Variants in ZNF236 observed in about 807,000 individuals in gnomAD.
ZNF236 encodes the protein regulated by glucose.
ZNF236 carries 50 observed loss-of-function variants against 191.2 expected under a neutral mutation model. The ratio of observed to expected loss-of-function variants is 0.26; its 90% CI spans 0.21 to 0.33. The LOEUF (loss-of-function observed/expected upper bound fraction) is 0.33. Ranked by LOEUF, ZNF236 falls within the 10% of genes least tolerant of loss-of-function variation. ZNF236 has a pLI of 1.00. For missense variants in ZNF236, 1,754 were observed against 2,374.5 expected, an observed-to-expected ratio of 0.74 and a Z score of 5.43; for synonymous variants, 907 against 928.8, an observed-to-expected ratio of 0.98 and a Z score of 0.43.
At chr18:76,908,262 C>T (rs1967112000) in intron 13 of ZNF236, 58 bp from the exon 14 acceptor site, 1 of 1,551,778 alleles carries the variant, frequency 6.4e-7, no homozygotes, top group African/African-American at 1.5e-5. Context: ...TGTAGTATCC[C>T]AGGCAAGTAA....
At chr18:76,937,424 A>G (rs1012835413) in intron 26 of ZNF236, 81 bp downstream of exon 26, 12 of 1,281,424 alleles carry the variant, frequency 9.4e-6, no homozygotes, top group Non-Finnish European at 1.2e-5. Flanking sequence ...TCCTTCCTAA[A>G]TAAATAGTCT....
In ZNF236 at chr18:76,956,077, A is replaced by G. The variant is rs181526564; in HGVS notation, c.5007A>G (p.Ser1669=). The G allele has an allele frequency of 2.2e-3, 3,581 of 1,600,834 alleles. 74 individuals carry two copies. In the Admixed American group the frequency reaches 0.04, roughly 18 times the overall value. Residue 1669 remains serine, a synonymous_variant, in exon 28 of 31, where the codon TCA becomes TCG. Transcript: ENST00000320610. ...HQCLECDRAF[S]SAAVLMHHSK... ...GCCTGGAGTGTGACCGCGCCTTCTC[A>G]TCGGCGGCGGTGCTCATGCACCACA...
At chr18:76,937,135 C>T (rs1027548909) in intron 25 of ZNF236, 21 bp from the exon 26 acceptor site, 1 of 1,607,836 alleles carries the variant, frequency 6.2e-7, no homozygotes, top group Non-Finnish European at 8.5e-7. Flanking sequence ...CATTGATCTA[C>T]TTACTTTGCC....
At chr18:76,956,872 C>T (rs1040306399) in intron 28 of ZNF236, among the ~76,000 whole-genome samples, 33 of 152,302 alleles carry the variant, frequency 2.2e-4, no homozygotes, top group African/African-American at 6.3e-4. Flanking sequence ...GCGTGCAGCA[C>T]GGATGCCTAG....
intron 18 of ZNF236, among the ~76,000 whole-genome samples, chr18:76,915,216 A>G (rs1399722134): frequency 6.6e-6 from 1 of 152,230 alleles, no homozygotes; most frequent in African/African-American, 2.4e-5. Flanking sequence ...TTTATAGACT[A>G]GTTCTTAATG....
intron 27 of ZNF236, among the ~76,000 whole-genome samples, chr18:76,955,520 A>G (rs1467409906): frequency 2.0e-5 from 3 of 152,210 alleles, no homozygotes; most frequent in African/African-American, 7.2e-5. Context: ...GGTTTGGAAA[A>G]AATGGTTTAA....
At chr18:76,871,218 A>G (rs957639494) in intron 4 of ZNF236, among the ~76,000 whole-genome samples, 11 of 152,276 alleles carry the variant, frequency 7.2e-5, no homozygotes, top group East Asian at 1.9e-4. Context: ...TCTGTTTTGG[A>G]CACCACCCAT....
At chr18:76,850,211 A>C (rs1165253799) in intron 2 of ZNF236, among the ~76,000 whole-genome samples, 1 of 152,174 alleles carries the variant, frequency 6.6e-6, no homozygotes, top group Non-Finnish European at 1.5e-5. Flanking sequence ...GACAGTTAAA[A>C]CTATAATTAA....
rs558610878 is a variant in ZNF236, at chr18:76,970,745, G to A, written c.*2406G>A. The A allele has an allele frequency of 2.1e-4, 32 of 152,258 alleles. No homozygotes were observed. The highest frequency in any genetic ancestry group is 5.5e-4 in the African/African-American group (23 of 41,562). The allele number at this position is 152,258 out of a possible 1,614,324, so 9.4% of individuals were successfully genotyped here. ...TTAGGAAATGTGATTAATTTTTTTC[G>A]TTTGAAAATATTTAAGATAAAACAG... On this transcript the variant is annotated 3_prime_UTR_variant, in exon 31 of 31. Transcript: ENST00000320610.
At chr18:76,913,644 G>C in intron 17 of ZNF236, 103 bp from the exon 18 acceptor site, 2 of 1,241,336 alleles carry the variant, frequency 1.6e-6, no homozygotes, top group East Asian at 4.8e-5. Context: ...AATGTTTCAT[G>C]GTTGTTGGTG....
intron 27 of ZNF236, 132 bp from the exon 28 acceptor site, chr18:76,955,853 A>G: frequency 1.0e-6 from 1 of 975,624 alleles, no homozygotes; most frequent in Non-Finnish European, 1.6e-6. Flanking sequence ...TATCCTGATG[A>G]TAGGACATGC....
At chr18:76,857,304 G>C (rs922172426) in intron 3 of ZNF236, among the ~76,000 whole-genome samples, 9 of 147,750 alleles carry the variant, frequency 6.1e-5, no homozygotes, top group African/African-American at 2.0e-4. Flanking sequence ...GGACCCCCAT[G>C]GTCTTCCTGT....
intron 1 of ZNF236, among the ~76,000 whole-genome samples, chr18:76,823,698 C>A (rs1367502490): frequency 2.0e-5 from 3 of 152,268 alleles, no homozygotes; most frequent in Non-Finnish European, 1.5e-5. Context: ...CAGACCCTGG[C>A]CCTTCCAGCA....
intron 11 of ZNF236, among the ~76,000 whole-genome samples, chr18:76,903,254 G>C (rs1174464452): frequency 6.6e-6 from 1 of 152,194 alleles, no homozygotes; most frequent in East Asian, 1.9e-4. Flanking sequence ...AAGAAGAGAA[G>C]ATGCAAGTTT....
At chr18:76,832,801 A>C (rs943249221) in intron 1 of ZNF236, among the ~76,000 whole-genome samples, 1 of 152,282 alleles carries the variant, frequency 6.6e-6, no homozygotes, top group South Asian at 2.1e-4. Context: ...TATTGACTCT[A>C]TAGATAATGT....
At chr18:76,907,057 C>T (rs1177100761) in intron 13 of ZNF236, among the ~76,000 whole-genome samples, 1 of 152,218 alleles carries the variant, frequency 6.6e-6, no homozygotes, top group Non-Finnish European at 1.5e-5. Flanking sequence ...CTTTTACAGG[C>T]CCCTGCGTGC....
chr18:76,937,356 CAGAG>C lies in ZNF236; in HGVS notation c.4782+16_4782+19del, dbSNP rs754082892. 2.8e-5 allele frequency: 45 copies of C among 1,583,656 alleles called. No individual in the cohort carries two copies. In the African/African-American group the frequency reaches 5.5e-4, roughly 19 times the overall value. ...CATCACCTCTCAGGCAAGTGCTCCT[CAGAG>C]AGGGATGCGAAGGTCCTTTCAAAAA... On this transcript the variant is annotated intron_variant, in intron 26 of 30. Transcript: ENST00000320610.
chr18:76,928,179 C>G (rs1177579329), intron 25 of ZNF236, 73 bp downstream of exon 25: 2 of 1,223,002 alleles, frequency 1.6e-6, no homozygotes, highest in Admixed American at 5.6e-5. Flanking sequence ...ATCTCTTTTC[C>G]TACAATACTC....
chr18:76,948,120 T>G (rs1968311986), intron 27 of ZNF236, among the ~76,000 whole-genome samples: 1 of 152,146 alleles, frequency 6.6e-6, no homozygotes, highest in Admixed American at 6.6e-5. Flanking sequence ...CTAGTCTTTT[T>G]TCTTAAAATA....
Sources: allele counts gnomAD v4.1 joint callset (sites outside exome capture counted in the v4.1 genomes callset), GRCh38; gene constraint gnomAD v4.1.1; transcripts MANE v1.5; gene names NCBI Gene and HGNC (gene_info 2026-07-23, HGNC 2026-07-21).